The following ZBTB5 variants were observed in gnomAD, a reference collection of about 807,000 sequenced individuals.
ZBTB5 encodes the protein zinc finger and BTB domain-containing protein 5.
Under a neutral mutation model 37.9 loss-of-function variants are expected in ZBTB5, and 15 were observed. The ratio of observed to expected loss-of-function variants is 0.40; its 90% CI spans 0.26 to 0.61. The LOEUF (loss-of-function observed/expected upper bound fraction) is 0.61, where lower values mean the gene tolerates loss of function less well. Among genes scored for constraint, ZBTB5 ranks in the 20% least tolerant of loss-of-function variants. The probability of loss-of-function intolerance (pLI) is 0.47; values close to 1 mark genes in which losing one functional copy is unlikely to be tolerated. For missense variants in ZBTB5, 708 were observed against 856.8 expected, an observed-to-expected ratio of 0.83 and a Z score of 2.17; for synonymous variants, 315 against 312.4, an observed-to-expected ratio of 1.01 and a Z score of -0.09.
At chr9:37,451,585 G>A (rs571919770) in intron 1 of ZBTB5, among the ~76,000 whole-genome samples, 14 of 144,090 alleles carry the variant, frequency 9.7e-5, no homozygotes, top group East Asian at 4.0e-4. Flanking sequence ...AAAGACAGAC[G>A]TGCACTTAGC....
intron 1 of ZBTB5, among the ~76,000 whole-genome samples, chr9:37,454,975 C>A (rs1461316385): frequency 6.6e-6 from 1 of 152,206 alleles, no homozygotes; most frequent in African/African-American, 2.4e-5. Flanking sequence ...GTGATATGGA[C>A]AGGAGACAGG....
At chr9:37,460,441 C>A (rs867549792) in intron 1 of ZBTB5, among the ~76,000 whole-genome samples, 27 of 151,574 alleles carry the variant, frequency 1.8e-4, no homozygotes, top group Non-Finnish European at 1.9e-4. Context: ...CACTCCCCCC[C>A]CAAAAAAATT....
intron 1 of ZBTB5, among the ~76,000 whole-genome samples, chr9:37,444,887 T>A (rs570800843): frequency 1.3e-5 from 2 of 151,950 alleles, no homozygotes; most frequent in Non-Finnish European, 2.9e-5. Context: ...AGATGACAAC[T>A]AGGCAGCAGG....
chr9:37,440,919 C>A lies in ZBTB5; in HGVS notation c.1633G>T (p.Val545Leu). The change falls in exon 2 of 2, where the codon GTA becomes TTA. Residue 545 changes from valine to leucine, a missense_variant. Val to Leu is a conservative substitution (Grantham distance 32). Around this residue, in one of 3 missense-constraint regions of ZBTB5, gnomAD observed 639 missense variants for 690.5 expected, o/e 0.93. Transcript: ENST00000307750. ...YRRIAPKMPVVTSVRSSQIPE... is the reference protein window; with the variant it reads ...YRRIAPKMPVLTSVRSSQIPE... ...ATCTGTGAGCTCCTGACGGAAGTTA[C>A]AACTGGCATTTTGGGAGCTATGCGG... 1 of 1,614,178 alleles carries A rather than the reference C, an allele frequency of 6.2e-7. No individual in the cohort carries two copies. Among genetic ancestry groups the A allele is most frequent in the Non-Finnish European group, 8.5e-7 (1 of 1,180,034 alleles).
intron 1 of ZBTB5, among the ~76,000 whole-genome samples, chr9:37,449,342 G>T (rs1824055069): frequency 6.6e-6 from 1 of 152,116 alleles, no homozygotes; most frequent in South Asian, 2.1e-4. Context: ...CTGCATTCAG[G>T]CTTGTGGTAT....
At chr9:37,451,304 C>T (rs141384939) in intron 1 of ZBTB5, among the ~76,000 whole-genome samples, 10 of 152,136 alleles carry the variant, frequency 6.6e-5, no homozygotes, top group African/African-American at 1.9e-4. Context: ...CGGTGGCTCA[C>T]GACTACAATC....
intron 1 of ZBTB5, among the ~76,000 whole-genome samples, chr9:37,443,234 C>G (rs1823918162): frequency 1.3e-5 from 2 of 151,612 alleles, no homozygotes; most frequent in Admixed American, 6.6e-5. Flanking sequence ...GCTTGTAATC[C>G]CAGGTACTCG....
chr9:37,443,333 GAA>G (rs77294273), intron 1 of ZBTB5, among the ~76,000 whole-genome samples: 3 of 113,502 alleles, frequency 2.6e-5, no homozygotes, highest in Non-Finnish European at 1.9e-5. Flanking sequence ...CATCTCAAAG[GAA>G]AAAAAAAAAA....
chr9:37,459,005 A>G (rs1302746921), intron 1 of ZBTB5, among the ~76,000 whole-genome samples: 1 of 152,220 alleles, frequency 6.6e-6, no homozygotes, highest in Non-Finnish European at 1.5e-5. Context: ...CTACTGAAAT[A>G]ATCCTCCCTT....
chr9:37,453,187 G>GTC (rs1368874384), intron 1 of ZBTB5, among the ~76,000 whole-genome samples: 2 of 152,074 alleles, frequency 1.3e-5, no homozygotes, highest in Admixed American at 6.6e-5. Context: ...CTGTCTGTCT[G>GTC]TCTCTCTCTC....
intron 1 of ZBTB5, among the ~76,000 whole-genome samples, chr9:37,456,803 C>G (rs929367208): frequency 6.6e-6 from 1 of 152,182 alleles, no homozygotes; most frequent in Non-Finnish European, 1.5e-5. Flanking sequence ...GCTGAATAAA[C>G]TTTTGCTATA....
chr9:37,447,866 A>G (rs1268041971), intron 1 of ZBTB5, among the ~76,000 whole-genome samples: 1 of 151,976 alleles, frequency 6.6e-6, no homozygotes, highest in Non-Finnish European at 1.5e-5. Flanking sequence ...CTTACTTAAA[A>G]ATTACGGGGC....
rs1420981198 is a variant in ZBTB5, at chr9:37,438,528, A to G, written c.*1990T>C. The G allele has an allele frequency of 6.6e-6, 1 of 152,250 alleles. No individual in the cohort carries two copies. Among genetic ancestry groups the G allele is most frequent in the Admixed American group, 6.5e-5 (1 of 15,280 alleles). 9.4% of individuals were successfully genotyped at this position (152,250 alleles called of 1,614,324 possible). ...GAGATAAGCCCCAAAAGCAAAGTCC[A>G]CTTATGCTTCAGCAGAGGTAAGCGG... On this transcript the variant is annotated 3_prime_UTR_variant, in exon 2 of 2. Coordinates refer to ENST00000307750, the MANE Select transcript of ZBTB5 (RefSeq NM_014872.3).
rs921955444 is a variant in ZBTB5 at position 37,441,081 on chromosome 9, C to T, written c.1471G>A (p.Val491Met). 49 of 1,614,056 alleles carry T rather than the reference C, an allele frequency of 3.0e-5. No homozygotes were observed. The highest frequency in any genetic ancestry group is 3.9e-5 in the Non-Finnish European group (46 of 1,180,042). ...PMQEVMGLPCVQTSGYQGGEQ... is the reference protein window; with the variant it reads ...PMQEVMGLPCMQTSGYQGGEQ... ...CCTCCTTGGTAGCCTGAAGTCTGCACACACGGCAGGCCCATCACCTCCTGC... is the reference window on the plus strand; with the variant it reads ...CCTCCTTGGTAGCCTGAAGTCTGCATACACGGCAGGCCCATCACCTCCTGC... Residue 491 changes from valine (V) to methionine (M), a missense_variant, in exon 2 of 2, where the codon GTG becomes ATG. By Grantham distance (21) the Val-to-Met change is conservative. This residue lies in a region of ZBTB5 where 639 missense variants were observed against 690.5 expected (regional missense o/e 0.93). Transcript: ENST00000307750.
At chr9:37,463,863 G>A (rs891429655) in intron 1 of ZBTB5, among the ~76,000 whole-genome samples, 2 of 152,150 alleles carry the variant, frequency 1.3e-5, no homozygotes, top group Non-Finnish European at 2.9e-5. Flanking sequence ...TTCAAAAAAA[G>A]AGTCTGTTTA....
rs745742636 is a variant in ZBTB5 at position 37,441,332 on chromosome 9, A to C, written c.1220T>G (p.Phe407Cys). ...VTNNLEHKST[F>C]SISNFLNKSR... ...CTTGTTAAGAAAATTCGAAATACTA[A>C]AAGTGGACTTATGCTCTAGGTTATT... Residue 407 changes from phenylalanine (F) to cysteine (C), a missense_variant, in exon 2 of 2, where the codon TTT becomes TGT. Coordinates refer to ENST00000307750, the MANE Select transcript of ZBTB5 (RefSeq NM_014872.3). 1.9e-6 allele frequency: 3 copies of C among 1,614,154 alleles called. No individual in the cohort carries two copies. Among genetic ancestry groups the C allele is most frequent in the Non-Finnish European group, 2.5e-6 (3 of 1,180,024 alleles).
Position 37,440,622 on chromosome 9 carries a change from G to C in ZBTB5, c.1930C>G (p.Leu644Val). ...TGACTAAACCTCTTGCCACACTTCAGGCAGGCGTAAGGCTTTTCACCTGTG... is the reference window on the plus strand; with the variant it reads ...TGACTAAACCTCTTGCCACACTTCACGCAGGCGTAAGGCTTTTCACCTGTG... ...VHTGEKPYAC[L>V]KCGKRFSQSS... Residue 644 changes from leucine (L) to valine (V), a missense_variant, in exon 2 of 2, where the codon CTG (leucine) becomes GTG (valine). Leu to Val is a conservative substitution (Grantham distance 32, BLOSUM62 1). Around this residue, in one of 3 missense-constraint regions of ZBTB5, gnomAD observed 42 missense variants for 107.9 expected, o/e 0.39. Coordinates refer to ENST00000307750, the MANE Select transcript of ZBTB5 (RefSeq NM_014872.3). The C allele has an allele frequency of 6.2e-7, 1 of 1,614,244 alleles. No homozygotes were observed.
intron 1 of ZBTB5, among the ~76,000 whole-genome samples, chr9:37,464,264 G>A (rs1588787302): frequency 6.6e-6 from 1 of 152,320 alleles, no homozygotes; most frequent in South Asian, 2.1e-4. Context: ...AGCCCGTAAT[G>A]TCCTCTACTT....
At chr9:37,442,597 G>C in intron 1 of ZBTB5, 42 bp from the exon 2 acceptor site, 2 of 1,489,640 alleles carry the variant, frequency 1.3e-6, no homozygotes, top group Non-Finnish European at 1.8e-6. Flanking sequence ...ACCTAGAAAA[G>C]CTTCAAAGTC....
Sources: gnomAD v4.1 joint callset for allele counts (sites outside exome capture counted in the v4.1 genomes callset) on GRCh38, gnomAD v4.1.1 for gene constraint, gnomAD v4.1.1 regional missense constraint, MANE v1.5 for transcripts, NCBI Gene and HGNC (gene_info 2026-07-23, HGNC 2026-07-21) for gene names.